TUBGCP4: variants seen among roughly 807,000 people sequenced by gnomAD.
TUBGCP4 encodes gamma-tubulin complex component 4.
Under a neutral mutation model 91.6 loss-of-function variants are expected in TUBGCP4, and 54 were observed. That is an observed-to-expected ratio of 0.59 (90% CI 0.47 to 0.74). The LOEUF is 0.74. Ranked by LOEUF, TUBGCP4 falls within the 30% of genes least tolerant of loss-of-function variation. TUBGCP4 has a pLI of 0.00. For synonymous variants in TUBGCP4, 297 were observed against 302.8 expected, an observed-to-expected ratio of 0.98 and a Z score of 0.20; for missense variants, 593 against 800.9, an observed-to-expected ratio of 0.74 and a Z score of 3.13.
chr15:43,372,047 G>T (rs1172291262), intron 1 of TUBGCP4, among the ~76,000 whole-genome samples: 3 of 152,102 alleles, frequency 2.0e-5, no homozygotes, highest in Non-Finnish European at 4.4e-5. Flanking sequence ...AACTATCGGG[G>T]TCATAGCTAG....
intron 12 of TUBGCP4, among the ~76,000 whole-genome samples, chr15:43,397,776 T>C (rs1477926117): frequency 6.6e-6 from 1 of 152,204 alleles, no homozygotes; most frequent in African/African-American, 2.4e-5. Flanking sequence ...AGTGGCACAA[T>C]CTTGGCTCAC....
At position 43,406,503 on chromosome 15, in the gene TUBGCP4, T is replaced by C. The variant is rs952869951; in HGVS notation, c.*1289T>C. On this transcript the variant is annotated 3_prime_UTR_variant, in exon 18 of 18. Coordinates refer to ENST00000564079, the MANE Select transcript of TUBGCP4 (RefSeq NM_014444.5). Reference sequence around the variant, plus strand: ...GCCATGCCCATTTGTTTACTCATTGTCTATGGTTGCTTTCATGCCCTCACA... The same window carrying C: ...GCCATGCCCATTTGTTTACTCATTGCCTATGGTTGCTTTCATGCCCTCACA... 4.5e-6 allele frequency: 2 copies of C among 443,054 alleles called. No homozygotes were observed. The highest frequency in any genetic ancestry group is 2.0e-5 in the African/African-American group (1 of 49,542). 27.4% of individuals were successfully genotyped at this position (443,054 alleles called of 1,614,324 possible).
chr15:43,400,179 T>C lies in TUBGCP4; in HGVS notation c.1554T>C (p.Asn518=). Residue 518 remains asparagine (N), a synonymous_variant, in exon 14 of 18, where the codon AAT becomes AAC. Coordinates refer to ENST00000564079, the MANE Select transcript of TUBGCP4 (RefSeq NM_014444.5). ...QTDAIKWRLR[N]HMAFLVDNLQ... is the part of the protein sequence containing the mutation. The stretch of plus-strand genomic sequence containing the variant: ...ATGCAATCAAGTGGCGCCTAAGAAA[T>C]CACATGGCATTTTTGGTGGATAATC... 1 of 1,614,084 alleles carries C rather than the reference T, an allele frequency of 6.2e-7. No individual in the cohort carries two copies. The highest frequency in any genetic ancestry group is 8.5e-7 in the Non-Finnish European group (1 of 1,180,014).
Position 43,395,834 on chromosome 15 carries a change from C to A in TUBGCP4, c.1171+146C>A, listed in dbSNP as rs188339175. The A allele has an allele frequency of 5.6e-5, 38 of 673,024 alleles. No individual in the cohort carries two copies. In the African/African-American group the frequency reaches 6.6e-4, roughly 12 times the overall value. The allele number at this position is 673,024 out of a possible 1,614,324, so 41.7% of individuals were successfully genotyped here. ...GGCTTCCAGAGATGGAAGGCTCTTG[C>A]AGGTAGGCTTCATGCTGGGGTCATT... On this transcript the variant is annotated intron_variant, in intron 11 of 17. Transcript: ENST00000564079.
chr15:43,389,129 T>A (rs2044427287), intron 9 of TUBGCP4, among the ~76,000 whole-genome samples: 1 of 152,360 alleles, frequency 6.6e-6, no homozygotes, highest in East Asian at 1.9e-4. Context: ...ATCTTCAAGC[T>A]GTGAACTTAC....
chr15:43,377,611 CAAA>C (rs60932318), intron 4 of TUBGCP4: 5,149 of 254,658 alleles, frequency 0.02, no homozygotes, highest in Middle Eastern at 0.028. Flanking sequence ...GACCCTGTCT[CAAA>C]AAAAAAAAAA....
intron 1 of TUBGCP4, among the ~76,000 whole-genome samples, chr15:43,372,015 G>A (rs370371730): frequency 1.3e-5 from 2 of 152,136 alleles, no homozygotes; most frequent in African/African-American, 4.8e-5. Flanking sequence ...TACAGATTAA[G>A]CTAGGTTTAG....
chr15:43,408,480 TAAA>T lies in TUBGCP4; in HGVS notation c.*3270_*3272del. 3.8e-6 allele frequency: 1 copy of T among 259,938 alleles called. No homozygotes were observed. The highest frequency in any genetic ancestry group is 5.3e-5 in the South Asian group (1 of 18,958). The allele number at this position is 259,938 out of a possible 1,614,324, so 16.1% of individuals were successfully genotyped here. Reference sequence around the variant, plus strand: ...TAGGTGACAGAGCAAGACTTCATCTTAAAAAACTAAGCCCTATATTAGGGTCCC... The same window carrying T: ...TAGGTGACAGAGCAAGACTTCATCTTAAACTAAGCCCTATATTAGGGTCCC... On this transcript the variant is annotated 3_prime_UTR_variant, in exon 18 of 18. Transcript: ENST00000564079.
At chr15:43,405,100 A>AAG (rs1566906340) in intron 17 of TUBGCP4, 102 bp from the exon 18 acceptor site, 1 of 1,367,946 alleles carries the variant, frequency 7.3e-7, no homozygotes, top group Non-Finnish European at 1.0e-6. Context: ...CTTCAGTTTT[A>AAG]AGATGACATT....
At position 43,385,933 on chromosome 15, in the gene TUBGCP4, A is replaced by G. The variant is rs745735883; in HGVS notation, c.866A>G (p.Gln289Arg). 56 of 1,613,984 alleles carry G rather than the reference A, an allele frequency of 3.5e-5. 1 individual carries two copies. In the Admixed American group the frequency reaches 9.3e-4, roughly 27 times the overall value. ...VGESVQMFEN[Q>R]NVNLTRKGSI... The stretch of plus-strand genomic sequence containing the variant: ...GAATCTGTCCAGATGTTTGAGAATC[A>G]AAATGTGAACCTGACTAGAAAAGGT... Residue 289 changes from glutamine to arginine, a missense_variant, in exon 8 of 18, where the codon CAA becomes CGA. Coordinates refer to ENST00000564079, the MANE Select transcript of TUBGCP4 (RefSeq NM_014444.5).
intron 6 of TUBGCP4, among the ~76,000 whole-genome samples, chr15:43,382,216 AAAAAAG>A (rs535287577): frequency 3.6e-5 from 5 of 138,424 alleles, no homozygotes; most frequent in African/African-American, 1.3e-4. Context: ...TGTCTCAAAA[AAAAAAG>A]AAAAAAGAAA....
intron 7 of TUBGCP4, 130 bp from the exon 8 acceptor site, chr15:43,385,661 T>C: frequency 1.1e-6 from 1 of 907,506 alleles, no homozygotes; most frequent in Non-Finnish European, 1.7e-6. Context: ...GTTTGAGAAC[T>C]GTGCAACACC....
chr15:43,404,027 C>G (rs1433026245), intron 16 of TUBGCP4: 2 of 556,340 alleles, frequency 3.6e-6, no homozygotes, highest in Non-Finnish European at 6.4e-6. Flanking sequence ...TTTATTCAGC[C>G]CATCAAATAA....
chr15:43,397,942 G>A, intron 12 of TUBGCP4, 99 bp from the exon 13 acceptor site: 1 of 1,261,354 alleles, frequency 7.9e-7, no homozygotes, highest in South Asian at 1.5e-5. Flanking sequence ...GAACTCCTGT[G>A]AGCTCTAGTT....
At chr15:43,388,815 A>C (rs916927801) in intron 9 of TUBGCP4, among the ~76,000 whole-genome samples, 1 of 152,252 alleles carries the variant, frequency 6.6e-6, no homozygotes, top group African/African-American at 2.4e-5. Flanking sequence ...AACAGCCTAC[A>C]GCAATGAAAA....
chr15:43,373,645 C>CTTT (rs767035742), intron 1 of TUBGCP4, among the ~76,000 whole-genome samples: 2 of 129,650 alleles, frequency 1.5e-5, no homozygotes, highest in African/African-American at 2.8e-5. Flanking sequence ...AGACCAGGTT[C>CTTT]TTTTTTTTTT....
At chr15:43,379,330 A>G (rs915711500) in intron 5 of TUBGCP4, among the ~76,000 whole-genome samples, 11 of 152,236 alleles carry the variant, frequency 7.2e-5, no homozygotes, top group African/African-American at 2.2e-4. Flanking sequence ...TGTAAATTAT[A>G]CCTCAAAGTG....
intron 13 of TUBGCP4, 65 bp downstream of exon 13, chr15:43,398,244 C>T: frequency 6.4e-7 from 1 of 1,559,830 alleles, no homozygotes; most frequent in Non-Finnish European, 8.7e-7. Context: ...AAGAAACTAG[C>T]AGGAACAGAA....
At chr15:43,376,691 A>T (rs2044210731) in intron 3 of TUBGCP4, 66 bp downstream of exon 3, 2 of 1,602,006 alleles carry the variant, frequency 1.2e-6, no homozygotes, top group Admixed American at 3.4e-5. Flanking sequence ...TTGAATCTGA[A>T]ATGCCCTTTG....
Sources: gnomAD v4.1 joint callset for allele counts (sites outside exome capture counted in the v4.1 genomes callset) on GRCh38, gnomAD v4.1.1 for gene constraint, MANE v1.5 for transcripts, NCBI Gene and HGNC (gene_info 2026-07-23, HGNC 2026-07-21) for gene names.